The following ADH1C variants were observed in gnomAD, a reference collection of about 807,000 sequenced individuals.
The protein encoded by ADH1C is alcohol dehydrogenase 1C.
A neutral mutation model predicts 35.0 loss-of-function variants in ADH1C; 26 were observed. The observed-to-expected ratio is 0.74, with a 90% CI of 0.54 to 1.03. The LOEUF (loss-of-function observed/expected upper bound fraction) is 1.03, where lower values mean the gene tolerates loss of function less well. Ranked by LOEUF, ADH1C falls within the 50% of genes least tolerant of loss-of-function variation. The pLI is 0.00. For missense variants in ADH1C, 413 were observed against 465.4 expected (o/e 0.89, Z 1.04); for synonymous variants, 170 against 169.3 (o/e 1.00, Z -0.03).
At chr4:99,338,303 C>T (rs890567186) in intron 8 of ADH1C, among the ~76,000 whole-genome samples, 5 of 147,558 alleles carry the variant, frequency 3.4e-5, no homozygotes, top group South Asian at 2.2e-4. Flanking sequence ...TGGTTTTGGT[C>T]ATCTCTATTT....
At chr4:99,345,948 G>A (rs898932534) in intron 3 of ADH1C, among the ~76,000 whole-genome samples, 5 of 152,084 alleles carry the variant, frequency 3.3e-5, no homozygotes, top group Non-Finnish European at 7.4e-5. Context: ...CTGGTAATTT[G>A]TGAATTATCT....
intron 5 of ADH1C, among the ~76,000 whole-genome samples, chr4:99,343,808 A>C (rs1402105157): frequency 6.6e-6 from 1 of 152,216 alleles, no homozygotes. Context: ...CGAAATTTGG[A>C]AAAGATGTCC....
chr4:99,340,433 G>A, intron 7 of ADH1C, 142 bp downstream of exon 7: 1 of 1,015,506 alleles, frequency 9.8e-7, no homozygotes, highest in Non-Finnish European at 1.4e-6. Context: ...AAAAAGAAAA[G>A]TTCTGCATTA....
intron 1 of ADH1C, among the ~76,000 whole-genome samples, chr4:99,349,526 C>G (rs1056170960): frequency 6.6e-6 from 1 of 152,150 alleles, no homozygotes; most frequent in Non-Finnish European, 1.5e-5. Context: ...AAATACACTG[C>G]TTTCTTGCTC....
chr4:99,346,880 G>T (rs1041737842), intron 3 of ADH1C, 126 bp downstream of exon 3: 58 of 1,471,480 alleles, frequency 3.9e-5, no homozygotes, highest in Non-Finnish European at 5.0e-5. Context: ...GGAAACCCCT[G>T]AAGTCCCAGC....
intron 4 of ADH1C, 41 bp from the exon 5 acceptor site, chr4:99,345,122 G>A (rs759583397): frequency 1.2e-6 from 2 of 1,613,834 alleles, no homozygotes; most frequent in African/African-American, 2.7e-5. Flanking sequence ...GCATGAGACA[G>A]GACCATAACT....
At chr4:99,343,775 A>G (rs1560537437) in intron 5 of ADH1C, among the ~76,000 whole-genome samples, 1 of 152,184 alleles carries the variant, frequency 6.6e-6, no homozygotes, top group Non-Finnish European at 1.5e-5. Flanking sequence ...GCAATTGAAC[A>G]AGGGAGTAAG....
Position 99,352,683 on chromosome 4 carries a change from C to G in ADH1C, c.-8G>C. On this transcript the variant is annotated 5_prime_UTR_variant, in exon 1 of 9. Coordinates refer to ENST00000515683, the MANE Select transcript of ADH1C (RefSeq NM_000669.5). The stretch of plus-strand genomic sequence containing the variant: ...TTTTCCTGCTGTGCTCATATTGATT[C>G]TGTCTTCTCTGCAGACCAGGAGGCT... The G allele has an allele frequency of 1.2e-6, 2 of 1,612,938 alleles. No homozygotes were observed. The highest frequency in any genetic ancestry group is 1.7e-6 in the Non-Finnish European group (2 of 1,179,186).
chr4:99,342,022 A>T (rs397774364), intron 6 of ADH1C, among the ~76,000 whole-genome samples: 2 of 130,440 alleles, frequency 1.5e-5, no homozygotes, highest in Non-Finnish European at 3.3e-5. Flanking sequence ...AAAAAAAAAA[A>T]AAAATAAATA....
At chr4:99,349,666 T>TGC (rs977047267) in intron 1 of ADH1C, among the ~76,000 whole-genome samples, 14 of 152,076 alleles carry the variant, frequency 9.2e-5, no homozygotes, top group Non-Finnish European at 1.8e-4. Flanking sequence ...CACTTCTGTG[T>TGC]TACTTGTCTC....
chr4:99,341,746 G>A (rs1323908383), intron 6 of ADH1C, among the ~76,000 whole-genome samples: 1 of 152,154 alleles, frequency 6.6e-6, no homozygotes, highest in Non-Finnish European at 1.5e-5. Flanking sequence ...TATAGCTAGA[G>A]ATATGTTTCC....
chr4:99,343,181 G>A (rs867264918), intron 5 of ADH1C, 126 bp from the exon 6 acceptor site: 22 of 1,382,898 alleles, frequency 1.6e-5, no homozygotes, highest in African/African-American at 4.4e-5. Flanking sequence ...ATCTGTTATC[G>A]AAACCTGTTT....
At chr4:99,338,470 T>G (rs1734336281) in intron 8 of ADH1C, among the ~76,000 whole-genome samples, 1 of 128,068 alleles carries the variant, frequency 7.8e-6, no homozygotes, top group African/African-American at 2.9e-5. Context: ...GTGGTGTGGT[T>G]TAATAGAAAG....
intron 6 of ADH1C, among the ~76,000 whole-genome samples, chr4:99,341,678 CTT>C (rs1432268089): frequency 6.6e-6 from 1 of 152,144 alleles, no homozygotes; most frequent in African/African-American, 2.4e-5. Flanking sequence ...GCAATGGAAA[CTT>C]TTTTGTTTCT....
chr4:99,351,654 CAT>C (rs1734681808), intron 1 of ADH1C, among the ~76,000 whole-genome samples: 1 of 152,182 alleles, frequency 6.6e-6, no homozygotes, highest in South Asian at 2.1e-4. Flanking sequence ...ATGGGCCACT[CAT>C]GTGATTTCCA....
Position 99,336,655 on chromosome 4 carries a change from T to C in ADH1C, c.*97A>G. On this transcript the variant is annotated 3_prime_UTR_variant, in exon 9 of 9. Coordinates refer to ENST00000515683, the MANE Select transcript of ADH1C (RefSeq NM_000669.5). The stretch of plus-strand genomic sequence containing the variant: ...ACGTGTAATTTATTTTTAACATCTC[T>C]GAAGAGCAGAATTAATGATATTTCC... 1 of 1,449,080 alleles carries C rather than the reference T, an allele frequency of 6.9e-7. No individual in the cohort carries two copies. Among genetic ancestry groups the C allele is most frequent in the Non-Finnish European group, 9.7e-7 (1 of 1,034,708 alleles). The allele number at this position is 1,449,080 out of a possible 1,614,324, so 89.8% of individuals were successfully genotyped here.
Position 99,339,596 on chromosome 4 carries a change from G to A in ADH1C, c.1084C>T (p.Leu362=). Residue 362 remains leucine (L), a synonymous_variant, in exon 8 of 9, where the codon CTG becomes TTG. Coordinates refer to ENST00000515683, the MANE Select transcript of ADH1C (RefSeq NM_000669.5). ...ATCTACCTCTTTCCAGAGCGAAGCA[G>A]GTCAAATCCTTCATTTATTTTTTCA... ...PFEKINEGFD[L]LRSGKSIRTV... 6.3e-7 allele frequency: 1 copy of A among 1,594,864 alleles called. No homozygotes were observed. Among genetic ancestry groups the A allele is most frequent in the Non-Finnish European group, 8.5e-7 (1 of 1,170,282 alleles).
chr4:99,350,546 C>T (rs918737665), intron 1 of ADH1C, among the ~76,000 whole-genome samples: 17 of 152,196 alleles, frequency 1.1e-4, no homozygotes, highest in Non-Finnish European at 2.5e-4. Context: ...TCAGCTTCAT[C>T]CAAGTGGCTG....
rs1402735759 is a variant in ADH1C at position 99,345,223 on chromosome 4, G to A, written c.303C>T (p.Cys101=). Residue 101 remains cysteine (C), a synonymous_variant, in exon 4 of 9, where the codon TGC becomes TGT. Transcript: ENST00000515683. ...IPLFTPQCGK[C]RICKNPESNY... is the part of the protein sequence containing the mutation. ...TGCTTTCTGGGTTTTTACAAATTCT[G>A]CATTTTCCACACTGAGGAGTAAAGA... 4 of 1,614,036 alleles carry A rather than the reference G, an allele frequency of 2.5e-6. No homozygotes were observed. Among genetic ancestry groups the A allele is most frequent in the Admixed American group, 1.7e-5 (1 of 60,012 alleles).
Sources: allele counts gnomAD v4.1 joint callset (sites outside exome capture counted in the v4.1 genomes callset), GRCh38; gene constraint gnomAD v4.1.1; transcripts MANE v1.5; gene names NCBI Gene and HGNC (gene_info 2026-07-23, HGNC 2026-07-21).